TMEM70: variants seen among roughly 807,000 people sequenced by gnomAD.
The protein encoded by TMEM70 is transmembrane protein 70.
In TMEM70, 15 loss-of-function variants were observed where a neutral mutation model predicts 20.5. The ratio of observed to expected loss-of-function variants is 0.73; its 90% CI spans 0.49 to 1.13. The LOEUF is 1.13. Ranked by LOEUF, TMEM70 falls within the 50% of genes most tolerant of loss-of-function variation. TMEM70 has a pLI of 0.00. For missense variants in TMEM70, 344 were observed against 331.7 expected, an observed-to-expected ratio of 1.04 and a Z score of -0.29; for synonymous variants, 141 against 134.2, an observed-to-expected ratio of 1.05 and a Z score of -0.35.
chr8:73,980,873 T>G (rs1292754602), intron 2 of TMEM70, among the ~76,000 whole-genome samples: 1 of 152,258 alleles, frequency 6.6e-6, no homozygotes, highest in Non-Finnish European at 1.5e-5. Context: ...TAAGTAATAT[T>G]AACTACTTTA....
At position 73,978,812 on chromosome 8, in the gene TMEM70, A is replaced by G; in HGVS notation, c.267A>G (p.Ser89=). 1 of 1,614,060 alleles carries G rather than the reference A, an allele frequency of 6.2e-7. No homozygotes were observed. Among genetic ancestry groups the G allele is most frequent in the Non-Finnish European group, 8.5e-7 (1 of 1,179,890 alleles). Residue 89 remains serine (S), a synonymous_variant, in exon 2 of 3, where the codon TCA becomes TCG. Coordinates refer to ENST00000312184, the MANE Select transcript of TMEM70 (RefSeq NM_017866.6). ...TCTTAAATACGCCATCTGACAAATCAGAAGATGGAAGGCTAATTTATACTG... is the reference window on the plus strand; with the variant it reads ...TCTTAAATACGCCATCTGACAAATCGGAAGATGGAAGGCTAATTTATACTG... ...VRFLNTPSDK[S]EDGRLIYTGN...
Position 73,981,170 on chromosome 8 carries a change from C to T in TMEM70, c.332C>T (p.Ser111Phe), listed in dbSNP as rs147033468. Residue 111 changes from serine (S) to phenylalanine (F), a missense_variant, in exon 3 of 3, where the codon TCT becomes TTT. Physicochemically the swap from Ser to Phe is radical, Grantham distance 155 (BLOSUM62 -2). Transcript: ENST00000312184. ...ARAVFGVKCF[S>F]YSTSLIGLTF... ...TCCCATTTAGGTGTGAAATGTTTCT[C>T]TTATTCTACGAGTCTGATTGGCCTT... 1.2e-6 allele frequency: 2 copies of T among 1,613,590 alleles called. No homozygotes were observed. The highest frequency in any genetic ancestry group is 1.3e-5 in the African/African-American group (1 of 74,894).
Position 73,982,191 on chromosome 8 carries a change from ACT to A in TMEM70, c.*573_*574del, listed in dbSNP as rs753339157. The A allele has an allele frequency of 1.3e-5, 7 of 552,362 alleles. No individual in the cohort carries two copies. The highest frequency in any genetic ancestry group is 2.5e-5 in the Non-Finnish European group (7 of 281,856). 34.2% of individuals were successfully genotyped at this position (552,362 alleles called of 1,614,324 possible). A position where few individuals can be genotyped will look rare whatever the true frequency, so the allele number is the denominator to read the frequency against. On this transcript the variant is annotated 3_prime_UTR_variant, in exon 3 of 3. Coordinates refer to ENST00000312184, the MANE Select transcript of TMEM70 (RefSeq NM_017866.6). ...GGTGGCAATTCACCGAATTCATATC[ACT>A]CTAACGAGTTGCAACGTAAAATCCC...
chr8:73,981,747 TC>T lies in TMEM70; in HGVS notation c.*128del. The T allele has an allele frequency of 1.2e-6, 1 of 806,392 alleles. No homozygotes were observed. The highest frequency in any genetic ancestry group is 2.1e-6 in the Non-Finnish European group (1 of 484,696). 50.0% of individuals were successfully genotyped at this position (806,392 alleles called of 1,614,324 possible). ...TTTGAAATTATCAAAGCTTTTAATT[TC>T]CAGAGAATGATGTTTGTTTATAATA... On this transcript the variant is annotated 3_prime_UTR_variant, in exon 3 of 3. Transcript: ENST00000312184.
rs372239513 is a variant in TMEM70, at chr8:73,978,278, G to A, written c.211-478G>A. Among the ~76,000 whole-genome samples, 4 of 151,452 alleles carry A rather than the reference G, an allele frequency of 2.6e-5. No homozygotes were observed. In the East Asian group the frequency reaches 7.9e-4, roughly 30 times the overall value. ...TTGTTTGCATTTTTAGTAGAGACGG[G>A]GTTTCACCATGTTGGCCAGGCTGGT... On this transcript the variant is annotated intron_variant, in intron 1 of 2. Transcript: ENST00000312184.
In TMEM70 at chr8:73,981,758, ATGTT is replaced by A. The variant is rs1381352038; in HGVS notation, c.*143_*146del. 2.2e-5 allele frequency: 17 copies of A among 788,020 alleles called. No individual in the cohort carries two copies. Among genetic ancestry groups the A allele is most frequent in the Non-Finnish European group, 3.2e-5 (15 of 468,108 alleles). 48.8% of individuals were successfully genotyped at this position (788,020 alleles called of 1,614,324 possible). A position where few individuals can be genotyped will look rare whatever the true frequency, so the allele number is the denominator to read the frequency against. ...CAAAGCTTTTAATTTCCAGAGAATG[ATGTT>A]TGTTTATAATAAAACAAGCTATGTT... On this transcript the variant is annotated 3_prime_UTR_variant, in exon 3 of 3. Transcript: ENST00000312184.
At chr8:73,978,895 T>G (rs1815720130) in intron 2 of TMEM70, 34 bp downstream of exon 2, 1 of 1,610,868 alleles carries the variant, frequency 6.2e-7, no homozygotes, top group Non-Finnish European at 8.5e-7. Context: ...CTTACTTTGT[T>G]TTTTTCTCTT....
In TMEM70 at chr8:73,981,968, T is replaced by G. The variant is rs1349911282; in HGVS notation, c.*347T>G. ...ATGGATTTTTCTAAGTGTATAAATA[T>G]TTTCCGACATTAAAAGACATTTTCT... On this transcript the variant is annotated 3_prime_UTR_variant, in exon 3 of 3. Coordinates refer to ENST00000312184, the MANE Select transcript of TMEM70 (RefSeq NM_017866.6). 9 of 479,242 alleles carry G rather than the reference T, an allele frequency of 1.9e-5. No individual in the cohort carries two copies. The highest frequency in any genetic ancestry group is 4.6e-5 in the South Asian group (3 of 64,686). 29.7% of individuals were successfully genotyped at this position (479,242 alleles called of 1,614,324 possible).
In TMEM70 at chr8:73,982,729, TTGG is replaced by T. The variant is rs910649751; in HGVS notation, c.*1112_*1114del. On this transcript the variant is annotated 3_prime_UTR_variant, in exon 3 of 3. Transcript: ENST00000312184. ...GTTTCTGCAACTGTGCACTCCTCCC[TTGG>T]TGGCACCCTATGGGTGTAGGAAAAC... is the stretch of plus-strand genomic sequence containing the variant. 5.1e-5 allele frequency: 23 copies of T among 455,292 alleles called. No homozygotes were observed. The highest frequency in any genetic ancestry group is 3.1e-4 in the Admixed American group (13 of 42,596). 28.2% of individuals were successfully genotyped at this position (455,292 alleles called of 1,614,324 possible).
intron 2 of TMEM70, among the ~76,000 whole-genome samples, chr8:73,979,652 G>A (rs1815740972): frequency 6.6e-6 from 1 of 151,950 alleles, no homozygotes; most frequent in Non-Finnish European, 1.5e-5. Context: ...TGTCATCTAG[G>A]CTGGAGTGCA....
At chr8:73,978,153 C>T (rs927925280) in intron 1 of TMEM70, among the ~76,000 whole-genome samples, 8 of 151,846 alleles carry the variant, frequency 5.3e-5, no homozygotes, top group Admixed American at 3.3e-4. Context: ...GTGGTGTGAT[C>T]TCGGACCACT....
rs752270569 is a variant in TMEM70 at position 73,976,202 on chromosome 8, C to A, written c.-80C>A. ...CCGGGCTGGGCATGCGCCACTTGTGCGGCAGTCGGGTGGGAAGCCGTGTCT... is the reference window on the plus strand; with the variant it reads ...CCGGGCTGGGCATGCGCCACTTGTGAGGCAGTCGGGTGGGAAGCCGTGTCT... On this transcript the variant is annotated 5_prime_UTR_variant, in exon 1 of 3. Coordinates refer to ENST00000312184, the MANE Select transcript of TMEM70 (RefSeq NM_017866.6). The A allele has an allele frequency of 8.1e-6, 11 of 1,351,380 alleles. No homozygotes were observed. In the South Asian group the frequency reaches 1.4e-4, roughly 17 times the overall value. The allele number at this position is 1,351,380 out of a possible 1,614,324, so 83.7% of individuals were successfully genotyped here.
chr8:73,982,059 C>T lies in TMEM70; in HGVS notation c.*438C>T, dbSNP rs1815819747. On this transcript the variant is annotated 3_prime_UTR_variant, in exon 3 of 3. Coordinates refer to ENST00000312184, the MANE Select transcript of TMEM70 (RefSeq NM_017866.6). ...TCCACCTGCTCCTGCTCCTGACTCA[C>T]TGCTCTTTGCTGTTGCCTGAGGACC... 1 of 467,828 alleles carries T rather than the reference C, an allele frequency of 2.1e-6. No homozygotes were observed. The allele number at this position is 467,828 out of a possible 1,614,324, so 29.0% of individuals were successfully genotyped here.
chr8:73,976,352 G>A lies in TMEM70; in HGVS notation c.71G>A (p.Cys24Tyr). The A allele has an allele frequency of 6.3e-7, 1 of 1,599,554 alleles. No individual in the cohort carries two copies. The highest frequency in any genetic ancestry group is 8.5e-7 in the Non-Finnish European group (1 of 1,179,434). Residue 24 changes from cysteine to tyrosine, a missense_variant, in exon 1 of 3, where the codon TGT (cysteine) becomes TAT (tyrosine). Cys to Tyr is a radical substitution (Grantham distance 194). Coordinates refer to ENST00000312184, the MANE Select transcript of TMEM70 (RefSeq NM_017866.6). Reference sequence around the variant, plus strand: ...CTCTGCGGAAGGAGGACTGCATTGTGTGCGGCCGCCGCGCTCCGAGGTCCC... The same window carrying A: ...CTCTGCGGAAGGAGGACTGCATTGTATGCGGCCGCCGCGCTCCGAGGTCCC... ...LPLCGRRTAL[C>Y]AAAALRGPRA...
rs1049768996 is a variant in TMEM70, at chr8:73,981,143, T to G, written c.317-12T>G. ...TAAAAGTATTGATCCTCTCTCTTTTTTTCCCATTTAGGTGTGAAATGTTTC... is the reference window on the plus strand; with the variant it reads ...TAAAAGTATTGATCCTCTCTCTTTTGTTCCCATTTAGGTGTGAAATGTTTC... On this transcript the variant is annotated splice_polypyrimidine_tract_variant and intron_variant, in intron 2 of 2. Coordinates refer to ENST00000312184, the MANE Select transcript of TMEM70 (RefSeq NM_017866.6). The G allele has an allele frequency of 4.4e-6, 7 of 1,601,804 alleles. No homozygotes were observed. The highest frequency in any genetic ancestry group is 6.0e-6 in the Non-Finnish European group (7 of 1,169,332).
intron 2 of TMEM70, 101 bp downstream of exon 2, chr8:73,978,962 A>G: frequency 2.1e-6 from 3 of 1,405,096 alleles, no homozygotes; most frequent in Non-Finnish European, 3.0e-6. Context: ...TCCCTTAATT[A>G]CAAGACGTAA....
chr8:73,981,738 C>G lies in TMEM70; in HGVS notation c.*117C>G. 1.2e-6 allele frequency: 1 copy of G among 834,940 alleles called. No individual in the cohort carries two copies. The highest frequency in any genetic ancestry group is 2.0e-6 in the Non-Finnish European group (1 of 510,708). The allele number at this position is 834,940 out of a possible 1,614,324, so 51.7% of individuals were successfully genotyped here. A position where few individuals can be genotyped will look rare whatever the true frequency, so the allele number is the denominator to read the frequency against. ...TAAAAATAATTTGAAATTATCAAAG[C>G]TTTTAATTTCCAGAGAATGATGTTT... On this transcript the variant is annotated 3_prime_UTR_variant, in exon 3 of 3. Coordinates refer to ENST00000312184, the MANE Select transcript of TMEM70 (RefSeq NM_017866.6).
rs773685632 is a variant in TMEM70, at chr8:73,981,396, T to C, written c.558T>C (p.Ala186=). 11 of 1,614,110 alleles carry C rather than the reference T, an allele frequency of 6.8e-6. No homozygotes were observed. The African/African-American group carries it at 8.0e-5, about 12-fold the overall frequency. Residue 186 remains alanine (A), a synonymous_variant, in exon 3 of 3, where the codon GCT becomes GCC. Coordinates refer to ENST00000312184, the MANE Select transcript of TMEM70 (RefSeq NM_017866.6). Reference sequence around the variant, plus strand: ...CTTATAAAGCCATTACCTACAATGCTATGCTTGCAGAAACGAGTACAGTGT... The same window carrying C: ...CTTATAAAGCCATTACCTACAATGCCATGCTTGCAGAAACGAGTACAGTGT... ...TDTYKAITYN[A]MLAETSTVFH... is the part of the protein sequence containing the mutation.
chr8:73,977,525 G>C (rs940736754), intron 1 of TMEM70, among the ~76,000 whole-genome samples: 6 of 152,096 alleles, frequency 3.9e-5, no homozygotes, highest in African/African-American at 1.2e-4. Flanking sequence ...AGGACCAGGG[G>C]ATACACGGTA....
Sources: allele counts gnomAD v4.1 joint callset (sites outside exome capture counted in the v4.1 genomes callset), GRCh38; gene constraint gnomAD v4.1.1; transcripts MANE v1.5; gene names NCBI Gene and HGNC (gene_info 2026-07-23, HGNC 2026-07-21).